UBE4A: variants seen among roughly 807,000 people sequenced by gnomAD.
The protein encoded by UBE4A is ubiquitin conjugation factor E4 A.
UBE4A carries 48 observed loss-of-function variants against 117.9 expected under a neutral mutation model. The ratio of observed to expected loss-of-function variants is 0.41; its 90% CI spans 0.32 to 0.52. The LOEUF is 0.52. Among genes scored for constraint, UBE4A ranks in the 20% least tolerant of loss-of-function variants. UBE4A has a pLI of 0.33. For synonymous variants in UBE4A, 407 were observed against 450.0 expected (o/e 0.90, Z 1.21); for missense variants, 1,067 against 1,296.3 (o/e 0.82, Z 2.72).
rs369749465 is a variant in UBE4A, at chr11:118,379,755, G to A, written c.1876+5G>A. Reference sequence around the variant, plus strand: ...GCTCTTTGGCTTATGTGCCAGGTAAGCAGGCTCTCCCTTGGGAATGTCCTG... The same window carrying A: ...GCTCTTTGGCTTATGTGCCAGGTAAACAGGCTCTCCCTTGGGAATGTCCTG... On this transcript the variant is annotated splice_donor_5th_base_variant and intron_variant, in intron 11 of 19. Coordinates refer to ENST00000252108, the MANE Select transcript of UBE4A (RefSeq NM_001204077.2). 3 of 1,604,738 alleles carry A rather than the reference G, an allele frequency of 1.9e-6. No individual in the cohort carries two copies. In the African/African-American group the frequency reaches 4.0e-5, roughly 21 times the overall value.
Position 118,384,845 on chromosome 11 carries a change from A to C in UBE4A, c.2312A>C (p.Tyr771Ser), listed in dbSNP as rs1948740637. 4.3e-6 allele frequency: 7 copies of C among 1,612,806 alleles called. No homozygotes were observed. The highest frequency in any genetic ancestry group is 5.9e-6 in the Non-Finnish European group (7 of 1,179,766). Residue 771 changes from tyrosine to serine, a missense_variant, in exon 15 of 20, where the codon TAT (tyrosine) becomes TCT (serine). Physicochemically the swap from Tyr to Ser is moderately radical, Grantham distance 144. Coordinates refer to ENST00000252108, the MANE Select transcript of UBE4A (RefSeq NM_001204077.2). ...TGGGACTTACAGGATTTGGCTGACT[A>C]TGCCTCTAAGAATTTAGAAGCCATG... ...YRESIKDLAD[Y>S]ASKNLEAMNP...
chr11:118,366,363 G>A (rs1331346355), intron 2 of UBE4A, among the ~76,000 whole-genome samples: 1 of 152,168 alleles, frequency 6.6e-6, no homozygotes, highest in Non-Finnish European at 1.5e-5. Flanking sequence ...GGGAAATTTT[G>A]CTAAACAGAT....
intron 2 of UBE4A, among the ~76,000 whole-genome samples, 170 bp from the exon 3 acceptor site, chr11:118,368,461 T>C (rs1486460535): frequency 2.6e-5 from 4 of 152,250 alleles, no homozygotes; most frequent in African/African-American, 9.6e-5. Context: ...TAGCCAGGAA[T>C]TTCAAAACCC....
chr11:118,390,448 AAT>A (rs1224269581), intron 17 of UBE4A, among the ~76,000 whole-genome samples: 15 of 145,858 alleles, frequency 1.0e-4, no homozygotes, highest in Admixed American at 2.8e-4. Context: ...ATTATAATAA[AAT>A]ATATATTATA....
intron 2 of UBE4A, among the ~76,000 whole-genome samples, chr11:118,366,570 G>C (rs938710280): frequency 2.6e-5 from 4 of 152,168 alleles, no homozygotes; most frequent in Admixed American, 2.6e-4. Flanking sequence ...CATGCCACCA[G>C]GTCCAACCTG....
At chr11:118,384,613 T>C (rs967866992) in intron 13 of UBE4A, 22 bp from the exon 14 acceptor site, 1 of 1,606,132 alleles carries the variant, frequency 6.2e-7, no homozygotes, top group Non-Finnish European at 8.5e-7. Context: ...TTTGCTGATA[T>C]TTCGCTCTTG....
chr11:118,378,953 G>C (rs1488373015), intron 10 of UBE4A: 4 of 154,140 alleles, frequency 2.6e-5, no homozygotes, highest in African/African-American at 9.7e-5. Context: ...TGCATCTCAG[G>C]TGGCTACTAG....
intron 1 of UBE4A, among the ~76,000 whole-genome samples, chr11:118,363,366 A>AC (rs1948535329): frequency 6.6e-6 from 1 of 152,080 alleles, no homozygotes; most frequent in Admixed American, 6.6e-5. Context: ...ACATGGTGAT[A>AC]CCCCGTCTCT....
intron 18 of UBE4A, among the ~76,000 whole-genome samples, chr11:118,391,561 G>C (rs1245764342): frequency 6.6e-6 from 1 of 151,386 alleles, no homozygotes; most frequent in Non-Finnish European, 1.5e-5. Flanking sequence ...TTGGGAGGTC[G>C]AGGCGGGCAG....
rs1948874813 is a variant in UBE4A at position 118,396,496 on chromosome 11, T to C, written c.*56T>C. On this transcript the variant is annotated 3_prime_UTR_variant, in exon 20 of 20. Transcript: ENST00000252108. ...CCCAGAGTGCAGATAAACAATTGTT[T>C]GTGGTTTCTCTCTTTCTGGTTCTGT... 1.3e-6 allele frequency: 2 copies of C among 1,565,454 alleles called. No individual in the cohort carries two copies. The highest frequency in any genetic ancestry group is 2.0e-5 in the Admixed American group (1 of 50,988).
chr11:118,361,799 T>G (rs1357009280), intron 1 of UBE4A, among the ~76,000 whole-genome samples: 1 of 152,144 alleles, frequency 6.6e-6, no homozygotes, highest in Non-Finnish European at 1.5e-5. Flanking sequence ...GTGATGCTGT[T>G]GATTACAAGG....
rs1555126489 is a variant in UBE4A at position 118,382,575 on chromosome 11, TGCCCA to T, written c.2010-13_2010-9del. 7 of 1,519,806 alleles carry T rather than the reference TGCCCA, an allele frequency of 4.6e-6. No homozygotes were observed. Among genetic ancestry groups the T allele is most frequent in the African/African-American group, 2.8e-5 (2 of 71,982 alleles). The allele number at this position is 1,519,806 out of a possible 1,614,324, so 94.1% of individuals were successfully genotyped here. On this transcript the variant is annotated splice_polypyrimidine_tract_variant and intron_variant, in intron 12 of 19. Coordinates refer to ENST00000252108, the MANE Select transcript of UBE4A (RefSeq NM_001204077.2). Reference sequence around the variant, plus strand: ...AAGCTTATCTGCTCATCTTGCTTTTTGCCCATTTTGCAGAATGAAGAATCCCCACC... The same window carrying T: ...AAGCTTATCTGCTCATCTTGCTTTTTTTTTGCAGAATGAAGAATCCCCACC...
At chr11:118,372,227 C>A (rs1288069254) in intron 5 of UBE4A, among the ~76,000 whole-genome samples, 1 of 152,174 alleles carries the variant, frequency 6.6e-6, no homozygotes. Flanking sequence ...TGCACTCCAG[C>A]CTGGGTGACA....
chr11:118,394,867 A>T (rs563662624), intron 19 of UBE4A, among the ~76,000 whole-genome samples: 117 of 152,004 alleles, frequency 7.7e-4, no homozygotes, highest in African/African-American at 2.7e-3. Flanking sequence ...GCTACTCAGG[A>T]GGCTGAGGCA....
intron 1 of UBE4A, among the ~76,000 whole-genome samples, chr11:118,361,384 C>T (rs908840511): frequency 2.0e-5 from 3 of 152,140 alleles, no homozygotes; most frequent in African/African-American, 7.2e-5. Context: ...ATTTAGGTTT[C>T]ATTTTATCGG....
rs199759935 is a variant in UBE4A at position 118,361,008 on chromosome 11, A to G, written c.-42+1334A>G. Among the ~76,000 whole-genome samples, 314 of 104,822 alleles carry G rather than the reference A, an allele frequency of 3.0e-3. 3 individuals are homozygous for G. The highest frequency in any genetic ancestry group is 3.6e-3 in the South Asian group (12 of 3,348). 68.8% of individuals were successfully genotyped at this position (104,822 alleles called of 152,430 possible). ...TATATGTGTGTGTGTGTGTGTGTGT[A>G]TTTTTTTTTTTTTTTTTTTGAGACA... is the stretch of plus-strand genomic sequence containing the variant. On this transcript the variant is annotated intron_variant, in intron 1 of 19. Coordinates refer to ENST00000252108, the MANE Select transcript of UBE4A (RefSeq NM_001204077.2).
intron 11 of UBE4A, 88 bp from the exon 12 acceptor site, chr11:118,381,303 T>A: frequency 6.7e-7 from 1 of 1,496,276 alleles, no homozygotes; most frequent in Non-Finnish European, 9.0e-7. Flanking sequence ...TTAACCTTCA[T>A]TAAGTAGGGT....
intron 11 of UBE4A, among the ~76,000 whole-genome samples, chr11:118,380,402 G>A (rs1948694675): frequency 1.3e-5 from 2 of 151,842 alleles, no homozygotes; most frequent in Non-Finnish European, 2.9e-5. Context: ...GGGCAACATA[G>A]AGAGACCCTA....
chr11:118,378,825 A>G (rs1948675603), intron 10 of UBE4A: 1 of 152,372 alleles, frequency 6.6e-6, no homozygotes, highest in East Asian at 1.9e-4. Flanking sequence ...ATTTTGGACT[A>G]TTATCCATAA....
Sources: allele counts gnomAD v4.1 joint callset (sites outside exome capture counted in the v4.1 genomes callset), GRCh38; gene constraint gnomAD v4.1.1; transcripts MANE v1.5; gene names NCBI Gene and HGNC (gene_info 2026-07-23, HGNC 2026-07-21).